The following PTPN6 variants were observed in gnomAD, a reference collection of about 807,000 sequenced individuals.
PTPN6 encodes the protein tyrosine-protein phosphatase non-receptor type 6.
Under a neutral mutation model 81.5 loss-of-function variants are expected in PTPN6, and 18 were observed. The ratio of observed to expected loss-of-function variants is 0.22; its 90% CI spans 0.15 to 0.33. PTPN6 has a LOEUF of 0.33. PTPN6 is among the 10% of genes least tolerant of loss of function. The probability of loss-of-function intolerance (pLI) is 1.00; values close to 1 mark genes in which losing one functional copy is unlikely to be tolerated. For synonymous variants in PTPN6, 301 were observed against 310.9 expected (o/e 0.97, Z 0.33); for missense variants, 500 against 794.2 (o/e 0.63, Z 4.45).
At position 6,957,904 on chromosome 12, in the gene PTPN6, A is replaced by G. The variant is rs782640826; in HGVS notation, c.1207-15A>G. The stretch of plus-strand genomic sequence containing the variant: ...CGAGAGAGGAGGGGGCACTGACCCT[A>G]TGTCCTCGGCTTAGGGAGACCTGAT... On this transcript the variant is annotated splice_polypyrimidine_tract_variant and intron_variant, in intron 10 of 15. Coordinates refer to ENST00000318974, the MANE Select transcript of PTPN6 (RefSeq NM_002831.6). This position sits in a 1 kb window ranked among gnomAD's most constrained non-coding sequence, Gnocchi z 6.5. The G allele has an allele frequency of 9.3e-6, 15 of 1,613,888 alleles. 1 individual carries two copies. The South Asian group carries it at 1.5e-4, about 17-fold the overall frequency.
chr12:6,961,011 TG>T, intron 15 of PTPN6, 66 bp downstream of exon 15: 1 of 1,544,596 alleles, frequency 6.5e-7, no homozygotes, highest in South Asian at 1.2e-5. Flanking sequence ...CTGCCTTCCC[TG>T]GGTGGATGGG....
chr12:6,954,226 C>T lies in PTPN6; in HGVS notation c.327-579C>T, dbSNP rs1324835916. On this transcript the variant is annotated intron_variant, in intron 3 of 15. Coordinates refer to ENST00000318974, the MANE Select transcript of PTPN6 (RefSeq NM_002831.6). This position sits in a 1 kb window ranked among gnomAD's most constrained non-coding sequence, Gnocchi z 5.4. ...TCCCCGCCTCCCTGGCGGAGCGCAC[C>T]CCATCCGCCTTCCTTGTGACTTGAG... 6.6e-6 allele frequency among the ~76,000 whole-genome samples: 1 copy of T among 152,200 alleles called. No homozygotes were observed. The highest frequency in any genetic ancestry group is 1.5e-5 in the Non-Finnish European group (1 of 68,040).
In PTPN6 at chr12:6,952,087, A is replaced by G; in HGVS notation, c.236A>G (p.Tyr79Cys). The G allele has an allele frequency of 6.2e-7, 1 of 1,614,016 alleles. No homozygotes were observed. Among genetic ancestry groups the G allele is most frequent in the Non-Finnish European group, 8.5e-7 (1 of 1,179,992 alleles). Residue 79 changes from tyrosine to cysteine, a missense_variant, in exon 3 of 16, where the codon TAC becomes TGC. Around this residue, in one of 6 missense-constraint regions of PTPN6, gnomAD observed 98 missense variants for 199.2 expected, o/e 0.49. Coordinates refer to ENST00000318974, the MANE Select transcript of PTPN6 (RefSeq NM_002831.6). The surrounding 1 kb of genome is among the most constrained non-coding windows in gnomAD (Gnocchi z 8.1). ...FATLTELVEY[Y>C]TQQQGVLQDR... ...ACTCTGACAGAGCTGGTGGAGTACT[A>G]CACTCAGCAGCAGGGTGTCCTGCAG... is the stretch of plus-strand genomic sequence containing the variant.
In PTPN6 at chr12:6,957,629, T is replaced by TGCCCCC; in HGVS notation, c.1075-25_1075-24insGCCCCC. On this transcript the variant is annotated intron_variant, in intron 9 of 15. Coordinates refer to ENST00000318974, the MANE Select transcript of PTPN6 (RefSeq NM_002831.6). The surrounding 1 kb of genome is among the most constrained non-coding windows in gnomAD (Gnocchi z 6.5). ...CCACAGTGCCCTGCTCTGTGCCTCA[T>TGCCCCC]CCCCACCCGACCCTCCCTTTCCAGA... is the stretch of plus-strand genomic sequence containing the variant. 2 of 1,521,486 alleles carry TGCCCCC rather than the reference T, an allele frequency of 1.3e-6. No homozygotes were observed. Among genetic ancestry groups the TGCCCCC allele is most frequent in the Non-Finnish European group, 1.8e-6 (2 of 1,105,652 alleles). 94.2% of individuals were successfully genotyped at this position (1,521,486 alleles called of 1,614,324 possible).
chr12:6,955,415 G>A lies in PTPN6; in HGVS notation c.677G>A (p.Arg226Gln), dbSNP rs781935337. ...TRVNAADIEN[R>Q]VLELNKKQES... The stretch of plus-strand genomic sequence containing the variant: ...GTGAATGCGGCTGACATTGAGAACC[G>A]AGTGTTGGAACTGAACAAGAAGCAG... The change falls in exon 6 of 16, where the codon CGA becomes CAA. Residue 226 changes from arginine to glutamine, a missense_variant. Arg to Gln is a conservative substitution (Grantham distance 43). Transcript: ENST00000318974. This position sits in a 1 kb window ranked among gnomAD's most constrained non-coding sequence, Gnocchi z 7.2. 3 of 1,614,126 alleles carry A rather than the reference G, an allele frequency of 1.9e-6. No individual in the cohort carries two copies. The highest frequency in any genetic ancestry group is 1.7e-6 in the Non-Finnish European group (2 of 1,180,024).
upstream of PTPN6, among the ~76,000 whole-genome samples, chr12:6,947,774 G>C (rs1945853826): frequency 6.6e-6 from 1 of 152,128 alleles, no homozygotes. Context: ...CCTTCCCGAG[G>C]AGGTGACATT....
In PTPN6 at chr12:6,952,251, G is replaced by A; in HGVS notation, c.326+74G>A. 2 of 1,570,252 alleles carry A rather than the reference G, an allele frequency of 1.3e-6. No individual in the cohort carries two copies. Among genetic ancestry groups the A allele is most frequent in the Admixed American group, 1.7e-5 (1 of 59,904 alleles). On this transcript the variant is annotated intron_variant, in intron 3 of 15. Coordinates refer to ENST00000318974, the MANE Select transcript of PTPN6 (RefSeq NM_002831.6). This position sits in a 1 kb window ranked among gnomAD's most constrained non-coding sequence, Gnocchi z 8.1. Reference sequence around the variant, plus strand: ...CCACCCTGAACAGCCAGGGAGGCAGGGAGACTGGCAGCCGGCGCTGCCTAC... The same window carrying A: ...CCACCCTGAACAGCCAGGGAGGCAGAGAGACTGGCAGCCGGCGCTGCCTAC...
At position 6,952,427 on chromosome 12, in the gene PTPN6, GC is replaced by G. The variant is rs1555147931; in HGVS notation, c.326+253del. ...AAAGCTGCCTCGCCCTACTCCGGGA[GC>G]CCTGGCCGCTGCAACCCAGGTCCCA... On this transcript the variant is annotated intron_variant, in intron 3 of 15. Transcript: ENST00000318974. The surrounding 1 kb of genome is among the most constrained non-coding windows in gnomAD (Gnocchi z 8.1). 5 of 568,992 alleles carry G rather than the reference GC, an allele frequency of 8.8e-6. No homozygotes were observed. The highest frequency in any genetic ancestry group is 1.6e-5 in the Non-Finnish European group (5 of 318,496). The allele number at this position is 568,992 out of a possible 1,614,324, so 35.2% of individuals were successfully genotyped here.
rs1555148276 is a variant in PTPN6 at position 6,954,740 on chromosome 12, A to G, written c.327-65A>G. The G allele has an allele frequency of 2.0e-6, 3 of 1,520,576 alleles. No individual in the cohort carries two copies. The Admixed American group carries it at 5.3e-5, about 27-fold the overall frequency. The allele number at this position is 1,520,576 out of a possible 1,614,324, so 94.2% of individuals were successfully genotyped here. A position where few individuals can be genotyped will look rare whatever the true frequency, so the allele number is the denominator to read the frequency against. ...CTTGATTTCCGGCCCCTCTCTGTGA[A>G]TGTCTCTGCTCAGCGCCTTCCCCTG... On this transcript the variant is annotated intron_variant, in intron 3 of 15. Transcript: ENST00000318974. This position sits in a 1 kb window ranked among gnomAD's most constrained non-coding sequence, Gnocchi z 5.4.
rs1175874813 is a variant in PTPN6, at chr12:6,952,022, A to C, written c.171A>C (p.Ser57=). 1.9e-6 allele frequency: 3 copies of C among 1,613,960 alleles called. No individual in the cohort carries two copies. The highest frequency in any genetic ancestry group is 1.3e-5 in the African/African-American group (1 of 74,872). Residue 57 remains serine, a synonymous_variant, in exon 3 of 16, where the codon TCA becomes TCC. Transcript: ENST00000318974. This position sits in a 1 kb window ranked among gnomAD's most constrained non-coding sequence, Gnocchi z 8.1. ...DQVTHIRIQN[S]GDFYDLYGGE... ...TGACCCATATTCGGATCCAGAACTC[A>C]GGGGATTTCTATGACCTGTATGGAG...
At chr12:6,949,017 G>A (rs1388215774), upstream of PTPN6, among the ~76,000 whole-genome samples, 1 of 151,982 alleles carries the variant, frequency 6.6e-6, no homozygotes, top group Non-Finnish European at 1.5e-5. Flanking sequence ...TGGGTGGGTG[G>A]CTCCCTAGCC....
At chr12:6,951,094 C>T (rs781886121), upstream of PTPN6, among the ~76,000 whole-genome samples, 14 of 152,274 alleles carry the variant, frequency 9.2e-5, no homozygotes, top group East Asian at 2.5e-3. This position sits in a 1 kb window ranked among gnomAD's most constrained non-coding sequence, Gnocchi z 7.2. Flanking sequence ...CGTCTGGGTT[C>T]GCATGCGTGA....
In PTPN6 at chr12:6,959,162, C is replaced by T. The variant is rs1946083956; in HGVS notation, c.1362-765C>T. 6.6e-6 allele frequency among the ~76,000 whole-genome samples: 1 copy of T among 152,240 alleles called. No homozygotes were observed. The highest frequency in any genetic ancestry group is 2.4e-5 in the African/African-American group (1 of 41,470). ...TCCGGGGACGCGGCTCTGTCCTGTGCTCTCTCAGGGACAGGCCCATCCCCG... is the reference window on the plus strand; with the variant it reads ...TCCGGGGACGCGGCTCTGTCCTGTGTTCTCTCAGGGACAGGCCCATCCCCG... On this transcript the variant is annotated intron_variant, in intron 11 of 15. Transcript: ENST00000318974. This position sits in a 1 kb window ranked among gnomAD's most constrained non-coding sequence, Gnocchi z 6.6.
upstream of PTPN6, chr12:6,946,763 T>A (rs368393325): frequency 1.8e-4 from 284 of 1,606,494 alleles, no homozygotes; most frequent in Middle Eastern, 8.2e-4. Context: ...ACCATCGGGG[T>A]CCCAGTCTCC....
At position 6,960,627 on chromosome 12, in the gene PTPN6, C is replaced by T. The variant is rs782262261; in HGVS notation, c.1674-179C>T. 5.1e-5 allele frequency: 77 copies of T among 1,519,218 alleles called. No homozygotes were observed. The East Asian group carries it at 1.3e-3, about 25-fold the overall frequency. 94.1% of individuals were successfully genotyped at this position (1,519,218 alleles called of 1,614,324 possible). A position where few individuals can be genotyped will look rare whatever the true frequency, so the allele number is the denominator to read the frequency against. ...GTGGGCCTCTGCTAGGTACCAGCAG[C>T]GCACTCGTGTATGAGATGTAGCCTC... is the stretch of plus-strand genomic sequence containing the variant. On this transcript the variant is annotated intron_variant, in intron 14 of 15. Coordinates refer to ENST00000318974, the MANE Select transcript of PTPN6 (RefSeq NM_002831.6). The surrounding 1 kb of genome is among the most constrained non-coding windows in gnomAD (Gnocchi z 6.1).
chr12:6,947,668 CAA>C (rs112544780), upstream of PTPN6, among the ~76,000 whole-genome samples: 41 of 64,764 alleles, frequency 6.3e-4, no homozygotes, highest in African/African-American at 6.4e-4. Flanking sequence ...GACCTTGTCT[CAA>C]AAAAAAAAAA....
At position 6,952,204 on chromosome 12, in the gene PTPN6, C is replaced by T. The variant is rs1945939019; in HGVS notation, c.326+27C>T. ...TGAGGGCTCCGCACCCCCGCCATTC[C>T]CAAGCAGGGATGAGCCGGCTCCCAC... On this transcript the variant is annotated intron_variant, in intron 3 of 15. Transcript: ENST00000318974. The surrounding 1 kb of genome is among the most constrained non-coding windows in gnomAD (Gnocchi z 8.1). The T allele has an allele frequency of 4.3e-6, 7 of 1,612,524 alleles. No homozygotes were observed. Among genetic ancestry groups the T allele is most frequent in the Non-Finnish European group, 5.9e-6 (7 of 1,179,618 alleles).
chr12:6,960,426 C>T lies in PTPN6; in HGVS notation c.1664C>T (p.Thr555Ile), dbSNP rs1591693916. 2 of 1,613,764 alleles carry T rather than the reference C, an allele frequency of 1.2e-6. No homozygotes were observed. Among genetic ancestry groups the T allele is most frequent in the Non-Finnish European group, 8.5e-7 (1 of 1,179,946 alleles). The change falls in exon 14 of 16, where the codon ACC (threonine) becomes ATC (isoleucine). Residue 555 changes from threonine (T) to isoleucine (I), a missense_variant. By Grantham distance (89) the Thr-to-Ile change is moderately conservative. Transcript: ENST00000318974. This position sits in a 1 kb window ranked among gnomAD's most constrained non-coding sequence, Gnocchi z 6.1. ...AATGCCCATGCCAAGGCCTCCCGCA[C>T]CTCGTCCAAGTGAGTGGCCCTGACT... ...MKNAHAKASR[T>I]SSKHKEDVYE...
In PTPN6 at chr12:6,961,279, C is replaced by T; in HGVS notation, c.*179C>T. The T allele has an allele frequency of 2.9e-6, 1 of 344,960 alleles. No individual in the cohort carries two copies. The allele number at this position is 344,960 out of a possible 1,614,324, so 21.4% of individuals were successfully genotyped here. A position where few individuals can be genotyped will look rare whatever the true frequency, so the allele number is the denominator to read the frequency against. Reference sequence around the variant, plus strand: ...CAGCCAGGCCCCAGGCAGGGCCAACCCTTCTCCTCTTGTAAATAAAGCCCT... The same window carrying T: ...CAGCCAGGCCCCAGGCAGGGCCAACTCTTCTCCTCTTGTAAATAAAGCCCT... On this transcript the variant is annotated 3_prime_UTR_variant, in exon 16 of 16. Coordinates refer to ENST00000318974, the MANE Select transcript of PTPN6 (RefSeq NM_002831.6).
Sources: gnomAD v4.1 joint callset for allele counts (sites outside exome capture counted in the v4.1 genomes callset) on GRCh38, gnomAD v4.1.1 for gene constraint, gnomAD v4.1.1 regional missense constraint, Gnocchi (gnomAD v3.1) non-coding constraint, MANE v1.5 for transcripts, NCBI Gene and HGNC (gene_info 2026-07-23, HGNC 2026-07-21) for gene names.